ARHGAP8: variants seen among roughly 807,000 people sequenced by gnomAD.
ARHGAP8 encodes the protein rho GTPase-activating protein 8.
In ARHGAP8, 62 loss-of-function variants were observed where a neutral mutation model predicts 46.1. That is an observed-to-expected ratio of 1.34 (90% CI 1.10 to 1.66). ARHGAP8 has a LOEUF of 1.66. ARHGAP8 is among the 40% of genes most tolerant of loss of function. The probability of loss-of-function intolerance (pLI) is 0.00; values close to 1 mark genes in which losing one functional copy is unlikely to be tolerated. For missense variants in ARHGAP8, 923 were observed against 568.4 expected (o/e 1.62, Z -6.34); for synonymous variants, 375 against 243.1 (o/e 1.54, Z -5.05).
chr22:44,808,167 G>A, intron 3 of ARHGAP8, 140 bp from the exon 4 acceptor site: 4 of 1,313,880 alleles, frequency 3.0e-6, no homozygotes, highest in Non-Finnish European at 4.1e-6. Context: ...TGAGGACCGG[G>A]GCCCACGGTG....
intron 4 of ARHGAP8, among the ~76,000 whole-genome samples, chr22:44,812,959 G>A (rs920133856): frequency 3.4e-4 from 52 of 152,038 alleles, no homozygotes; most frequent in African/African-American, 1.1e-3. Context: ...GCCCATGTGG[G>A]TGCCGTTTTA....
At chr22:44,795,297 G>A (rs1437153812) in intron 2 of ARHGAP8, among the ~76,000 whole-genome samples, 1 of 152,118 alleles carries the variant, frequency 6.6e-6, no homozygotes, top group Non-Finnish European at 1.5e-5. Flanking sequence ...GGGCTGGGGT[G>A]TCTTTGCATG....
intron 5 of ARHGAP8, among the ~76,000 whole-genome samples, chr22:44,821,429 G>GA (rs1555915398): frequency 1.1e-4 from 16 of 149,772 alleles, no homozygotes; most frequent in South Asian, 2.1e-4. Context: ...ACTCCATCTC[G>GA]AAAAAAAAAA....
intron 2 of ARHGAP8, among the ~76,000 whole-genome samples, chr22:44,787,034 A>AC (rs1555911050): frequency 2.1e-5 from 2 of 94,786 alleles, no homozygotes; most frequent in Admixed American, 1.1e-4. Flanking sequence ...TGTCTCAAAA[A>AC]AACAAAAAAA....
At chr22:44,760,950 CACAT>C (rs1315705057) in intron 1 of ARHGAP8, among the ~76,000 whole-genome samples, 1 of 152,182 alleles carries the variant, frequency 6.6e-6, no homozygotes, top group Admixed American at 6.5e-5. Flanking sequence ...TGTGCGGACT[CACAT>C]GCAGGGCGAG....
At chr22:44,832,136 G>A (rs906647985) in intron 7 of ARHGAP8, among the ~76,000 whole-genome samples, 1 of 144,858 alleles carries the variant, frequency 6.9e-6, no homozygotes, top group African/African-American at 2.6e-5. Context: ...TTTTTTCAGT[G>A]GTATTTTATG....
intron 2 of ARHGAP8, among the ~76,000 whole-genome samples, chr22:44,796,275 C>T (rs559698603): frequency 4.6e-5 from 7 of 152,170 alleles, no homozygotes; most frequent in Non-Finnish European, 1.0e-4. Flanking sequence ...TGCTGGAGAC[C>T]GGCCTCTGCT....
chr22:44,820,353 C>G (rs1240523848), intron 5 of ARHGAP8, among the ~76,000 whole-genome samples: 3 of 152,144 alleles, frequency 2.0e-5, no homozygotes, highest in African/African-American at 4.8e-5. Flanking sequence ...CCCTGCAGCT[C>G]TGAAGCGGGC....
intron 5 of ARHGAP8, among the ~76,000 whole-genome samples, chr22:44,816,679 C>T (rs2147106736): frequency 6.6e-6 from 1 of 152,080 alleles, no homozygotes; most frequent in South Asian, 2.1e-4. Flanking sequence ...GTAGCATGCG[C>T]CTGTGGTCCC....
intron 1 of ARHGAP8, among the ~76,000 whole-genome samples, chr22:44,755,058 A>T (rs377211500): frequency 6.6e-6 from 1 of 152,200 alleles, no homozygotes; most frequent in Non-Finnish European, 1.5e-5. Context: ...TGGTCACCAA[A>T]TGGCCATGAA....
intron 10 of ARHGAP8, among the ~76,000 whole-genome samples, chr22:44,855,221 G>A (rs779721961): frequency 1.8e-4 from 28 of 151,778 alleles, no homozygotes; most frequent in Non-Finnish European, 5.9e-5. Flanking sequence ...AAGAAAAAAA[G>A]AATTTTTTTT....
At chr22:44,775,096 T>C (rs2147022589) in intron 1 of ARHGAP8, among the ~76,000 whole-genome samples, 1 of 152,262 alleles carries the variant, frequency 6.6e-6, no homozygotes, top group East Asian at 1.9e-4. Flanking sequence ...CTTCCCAAAG[T>C]GCTGGGATTA....
chr22:44,839,696 G>A (rs1293362596), intron 7 of ARHGAP8, among the ~76,000 whole-genome samples: 9 of 152,186 alleles, frequency 5.9e-5, no homozygotes, highest in Non-Finnish European at 2.9e-5. Context: ...TGAGGCAGAC[G>A]ATACACACGT....
intron 7 of ARHGAP8, among the ~76,000 whole-genome samples, chr22:44,834,058 G>C (rs1249028110): frequency 6.6e-6 from 1 of 151,932 alleles, no homozygotes; most frequent in Non-Finnish European, 1.5e-5. Context: ...GGTCAGTCTA[G>C]CTAAAAGCTT....
intron 1 of ARHGAP8, among the ~76,000 whole-genome samples, chr22:44,785,231 C>A (rs1476294134): frequency 6.6e-6 from 1 of 152,154 alleles, no homozygotes; most frequent in African/African-American, 2.4e-5. Flanking sequence ...TCACCAGCCT[C>A]GTCATGCCCT....
At chr22:44,858,465 TCAAG>T (rs1289399643) in intron 10 of ARHGAP8, among the ~76,000 whole-genome samples, 1 of 149,698 alleles carries the variant, frequency 6.7e-6, no homozygotes, top group African/African-American at 2.5e-5. Context: ...TCTTCTGAGT[TCAAG>T]CAATTCTCCA....
At chr22:44,809,564 G>T in intron 4 of ARHGAP8, 1 of 218,522 alleles carries the variant, frequency 4.6e-6, no homozygotes, top group Non-Finnish European at 9.3e-6. Context: ...TGACTTACCC[G>T]TGGTCACTCA....
intron 10 of ARHGAP8, chr22:44,850,617 G>GTGACAGGGA (rs2070069476): frequency 1.3e-5 from 2 of 152,094 alleles, no homozygotes; most frequent in Non-Finnish European, 2.9e-5. Context: ...CCAAAACCTG[G>GTGACAGGGA]TGACAGGGAG....
At chr22:44,847,851 C>T (rs2069995031) in intron 8 of ARHGAP8, 122 bp from the exon 9 acceptor site, 1 of 1,283,764 alleles carries the variant, frequency 7.8e-7, no homozygotes, top group Non-Finnish European at 1.1e-6. Context: ...ATTTGAGGAA[C>T]AAATAAATGT....
Sources: gnomAD v4.1 joint callset for allele counts (sites outside exome capture counted in the v4.1 genomes callset) on GRCh38, gnomAD v4.1.1 for gene constraint, MANE v1.5 for transcripts, NCBI Gene and HGNC (gene_info 2026-07-23, HGNC 2026-07-21) for gene names.